The following METRNL variants were observed in gnomAD, a reference collection of about 807,000 sequenced individuals.
METRNL encodes meteorin like, glial cell differentiation regulator.
Under a neutral mutation model 17.4 loss-of-function variants are expected in METRNL, and 9 were observed. That is an observed-to-expected ratio of 0.52 (90% CI 0.31 to 0.90). METRNL has a LOEUF of 0.90. Among genes scored for constraint, METRNL ranks in the 40% least tolerant of loss-of-function variants. METRNL has a pLI of 0.05. For synonymous variants in METRNL, 215 were observed against 199.3 expected, an observed-to-expected ratio of 1.08 and a Z score of -0.66; for missense variants, 408 against 430.7, an observed-to-expected ratio of 0.95 and a Z score of 0.47.
chr17:83,090,898 G>A (rs1355739571), intron 2 of METRNL, among the ~76,000 whole-genome samples: 14 of 152,096 alleles, frequency 9.2e-5, no homozygotes, highest in South Asian at 2.1e-4. Flanking sequence ...TGTCCAGCAC[G>A]TGCCTGCATC....
chr17:83,079,831 C>G lies in METRNL; in HGVS notation c.16C>G (p.Arg6Gly), dbSNP rs1438941796. Residue 6 changes from arginine (R) to glycine (G), a missense_variant, in exon 1 of 4, where the codon CGG becomes GGG. Coordinates refer to ENST00000320095, the MANE Select transcript of METRNL (RefSeq NM_001004431.3). MRGAARAAWGRAGQPW... is the reference protein window; with the variant it reads MRGAAGAAWGRAGQPW... ...GCGCCAGAGCATGCGGGGCGCGGCG[C>G]GGGCGGCCTGGGGGCGCGCGGGGCA... 1.0e-6 allele frequency: 1 copy of G among 973,632 alleles called. No homozygotes were observed. Among genetic ancestry groups the G allele is most frequent in the Non-Finnish European group, 1.2e-6 (1 of 824,472 alleles). The allele number at this position is 973,632 out of a possible 1,614,324, so 60.3% of individuals were successfully genotyped here. A position where few individuals can be genotyped will look rare whatever the true frequency, so the allele number is the denominator to read the frequency against.
intron 3 of METRNL, among the ~76,000 whole-genome samples, chr17:83,093,751 G>A (rs535387274): frequency 7.9e-5 from 12 of 152,228 alleles, no homozygotes; most frequent in Admixed American, 4.6e-4. Flanking sequence ...TTGGCCTCCC[G>A]TCGTGTGGTG....
At chr17:83,084,904 T>G (rs2038031912) in intron 1 of METRNL, 34 bp from the exon 2 acceptor site, 1 of 1,581,762 alleles carries the variant, frequency 6.3e-7, no homozygotes, top group Admixed American at 1.7e-5. Context: ...TGACGGGAGC[T>G]CCGGGCCTGG....
Position 83,094,644 on chromosome 17 carries a change from G to A in METRNL, c.*69G>A. ...GCGGTGGGCGCTGCGGTCCTGGTGGGGCCGTGCGGTGAGGGCCGCGCGCTG... is the reference window on the plus strand; with the variant it reads ...GCGGTGGGCGCTGCGGTCCTGGTGGAGCCGTGCGGTGAGGGCCGCGCGCTG... On this transcript the variant is annotated 3_prime_UTR_variant, in exon 4 of 4. Coordinates refer to ENST00000320095, the MANE Select transcript of METRNL (RefSeq NM_001004431.3). 1 of 1,322,696 alleles carries A rather than the reference G, an allele frequency of 7.6e-7. No homozygotes were observed. Among genetic ancestry groups the A allele is most frequent in the Non-Finnish European group, 9.8e-7 (1 of 1,018,436 alleles). 81.9% of individuals were successfully genotyped at this position (1,322,696 alleles called of 1,614,324 possible).
intron 1 of METRNL, chr17:83,082,141 C>A: frequency 1.0e-6 from 1 of 985,398 alleles, no homozygotes; most frequent in South Asian, 4.7e-5. Context: ...CTTTATCAGC[C>A]AGTGCTCATA....
chr17:83,080,905 A>T (rs2037978581), intron 1 of METRNL, among the ~76,000 whole-genome samples: 1 of 149,804 alleles, frequency 6.7e-6, no homozygotes, highest in Non-Finnish European at 1.5e-5. Context: ...TCACGCGGTG[A>T]TGTCGAGCGA....
chr17:83,081,899 G>A (rs962456497), intron 1 of METRNL, among the ~76,000 whole-genome samples: 38 of 152,328 alleles, frequency 2.5e-4, no homozygotes, highest in African/African-American at 9.1e-4. Flanking sequence ...GCGCTGGCCT[G>A]CCTGCTACCC....
intron 2 of METRNL, among the ~76,000 whole-genome samples, chr17:83,086,627 G>C (rs943661469): frequency 1.3e-5 from 2 of 152,186 alleles, no homozygotes; most frequent in Non-Finnish European, 2.9e-5. Flanking sequence ...CAGATGTTAG[G>C]AACTTGCAAA....
chr17:83,083,213 G>C (rs1004238668), intron 1 of METRNL, among the ~76,000 whole-genome samples: 9 of 152,226 alleles, frequency 5.9e-5, no homozygotes, highest in African/African-American at 2.2e-4. Flanking sequence ...CCTGTCCCCA[G>C]CTGAGTTGTG....
chr17:83,084,898 G>T (rs764642670), intron 1 of METRNL, 40 bp from the exon 2 acceptor site: 18 of 1,574,342 alleles, frequency 1.1e-5, no homozygotes, highest in Non-Finnish European at 1.6e-5. Context: ...GGTGTGTGAC[G>T]GGAGCTCCGG....
chr17:83,080,069 C>T (rs1022360051), intron 1 of METRNL, 84 bp downstream of exon 1: 449 of 849,722 alleles, frequency 5.3e-4, no homozygotes, highest in Non-Finnish European at 6.0e-4. Context: ...TGCGGGGGCG[C>T]GGCCGGGGGC....
intron 3 of METRNL, 73 bp from the exon 4 acceptor site, chr17:83,094,182 CA>C: frequency 7.8e-7 from 1 of 1,274,580 alleles, no homozygotes; most frequent in Non-Finnish European, 1.1e-6. Flanking sequence ...GATGCGGGGG[CA>C]GGGGGAGGTG....
intron 2 of METRNL, among the ~76,000 whole-genome samples, chr17:83,090,089 G>C (rs952429987): frequency 6.6e-6 from 1 of 151,170 alleles, no homozygotes; most frequent in African/African-American, 2.4e-5. Context: ...GGGGTGGGAC[G>C]CATGTGGCTG....
At chr17:83,089,443 C>G (rs1023463336) in intron 2 of METRNL, among the ~76,000 whole-genome samples, 1 of 152,152 alleles carries the variant, frequency 6.6e-6, no homozygotes. Context: ...CATTCTCAGC[C>G]TCTCCTCGGA....
chr17:83,094,247 C>G lies in METRNL; in HGVS notation c.617-9C>G. On this transcript the variant is annotated splice_polypyrimidine_tract_variant and intron_variant, in intron 3 of 3. Coordinates refer to ENST00000320095, the MANE Select transcript of METRNL (RefSeq NM_001004431.3). ...CTCACTCCCTGTCCCCATCTCCTTC[C>G]CCGCACAGCCGTTCGAGGCTCCATC... The G allele has an allele frequency of 6.4e-7, 1 of 1,553,854 alleles. No homozygotes were observed. The highest frequency in any genetic ancestry group is 2.3e-5 in the East Asian group (1 of 43,418).
chr17:83,090,780 G>A (rs556387204), intron 2 of METRNL, among the ~76,000 whole-genome samples: 7 of 151,980 alleles, frequency 4.6e-5, no homozygotes, highest in South Asian at 2.1e-4. Context: ...AGGTGCTGGC[G>A]TGCAGTCTCA....
chr17:83,087,480 C>T (rs1391496734), intron 2 of METRNL, among the ~76,000 whole-genome samples: 4 of 152,192 alleles, frequency 2.6e-5, no homozygotes, highest in Non-Finnish European at 5.9e-5. Context: ...GAGGCCTCTC[C>T]TATCCTGATG....
intron 1 of METRNL, among the ~76,000 whole-genome samples, chr17:83,081,182 CT>C (rs1245622211): frequency 6.6e-6 from 1 of 151,010 alleles, no homozygotes; most frequent in African/African-American, 2.5e-5. Context: ...GGATGGAGGT[CT>C]GGGGGGGGTC....
Position 83,093,237 on chromosome 17 carries a change from C to A in METRNL, c.616+11C>A, listed in dbSNP as rs7501742. The A allele has an allele frequency of 1.9e-6, 3 of 1,603,460 alleles. No homozygotes were observed. In the East Asian group the frequency reaches 6.7e-5, roughly 36 times the overall value. ...GCACCAGCGACTTCGGTGAGTGTCT[C>A]CTCGGCAGCTTCTACCTCCTGTGCT... is the stretch of plus-strand genomic sequence containing the variant. On this transcript the variant is annotated intron_variant, in intron 3 of 3. Coordinates refer to ENST00000320095, the MANE Select transcript of METRNL (RefSeq NM_001004431.3).
Sources: gnomAD v4.1 joint callset for allele counts (sites outside exome capture counted in the v4.1 genomes callset) on GRCh38, gnomAD v4.1.1 for gene constraint, MANE v1.5 for transcripts, NCBI Gene and HGNC (gene_info 2026-07-23, HGNC 2026-07-21) for gene names.